KHDRBS2: variants seen among roughly 807,000 people sequenced by gnomAD.
The protein encoded by KHDRBS2 is KH domain-containing, RNA-binding, signal transduction-associated protein 2.
In KHDRBS2, 26 loss-of-function variants were observed where a neutral mutation model predicts 44.3. The observed-to-expected ratio is 0.59, with a 90% CI of 0.43 to 0.81. The LOEUF (loss-of-function observed/expected upper bound fraction) is 0.81, where lower values mean the gene tolerates loss of function less well. Ranked by LOEUF, KHDRBS2 falls within the 40% of genes least tolerant of loss-of-function variation. The pLI is 0.00. For missense variants in KHDRBS2, 476 were observed against 433.1 expected, an observed-to-expected ratio of 1.10 and a Z score of -0.88; for synonymous variants, 194 against 151.1, an observed-to-expected ratio of 1.28 and a Z score of -2.08.
At chr6:61,781,977 A>C (rs1369723117) in intron 6 of KHDRBS2, among the ~76,000 whole-genome samples, 5 of 152,222 alleles carry the variant, frequency 3.3e-5, no homozygotes, top group Non-Finnish European at 7.4e-5. Flanking sequence ...GGAAGGGGAC[A>C]CCTTTGAGGA....
chr6:62,165,242 TTTA>T (rs1318119170), intron 2 of KHDRBS2, among the ~76,000 whole-genome samples: 4 of 149,382 alleles, frequency 2.7e-5, no homozygotes, highest in Admixed American at 1.3e-4. Context: ...TTCTAGTACA[TTTA>T]TTTATTTATT....
At chr6:61,550,204 C>T in the KHDRBS2 span, among the ~76,000 whole-genome samples, 1 of 152,086 alleles carries the variant, frequency 6.6e-6, no homozygotes, top group Non-Finnish European at 1.5e-5. Context: ...CTCCTCCCAC[C>T]CTCCACCGTC....
intron 4 of KHDRBS2, among the ~76,000 whole-genome samples, chr6:61,944,098 A>C (rs1010604208): frequency 6.6e-6 from 1 of 152,186 alleles, no homozygotes; most frequent in African/African-American, 2.4e-5. Context: ...ACTATGGAAA[A>C]CACTGTGGAG....
At chr6:61,782,424 T>G (rs948114528) in intron 6 of KHDRBS2, among the ~76,000 whole-genome samples, 1 of 151,912 alleles carries the variant, frequency 6.6e-6, no homozygotes, top group East Asian at 1.9e-4. Flanking sequence ...CCAGGAACTC[T>G]TAGTTTATTT....
intron 6 of KHDRBS2, among the ~76,000 whole-genome samples, chr6:61,887,630 T>A (rs1801162540): frequency 6.6e-6 from 1 of 152,162 alleles, no homozygotes; most frequent in Admixed American, 6.5e-5. Context: ...TGGTCAGAAA[T>A]TTAATGCTGA....
At chr6:61,715,141 G>C (rs1004684798) in intron 7 of KHDRBS2, among the ~76,000 whole-genome samples, 3 of 151,814 alleles carry the variant, frequency 2.0e-5, no homozygotes, top group African/African-American at 7.3e-5. Flanking sequence ...ACAAGACCTG[G>C]AGGCTGTTTT....
At chr6:62,123,387 G>C (rs1332307637) in intron 2 of KHDRBS2, among the ~76,000 whole-genome samples, 1 of 152,186 alleles carries the variant, frequency 6.6e-6, no homozygotes, top group Non-Finnish European at 1.5e-5. Flanking sequence ...ATCACAGCAT[G>C]ATTTATAAAC....
chr6:61,676,814 C>G (rs2143770), downstream of KHDRBS2, among the ~76,000 whole-genome samples: 29,767 of 151,704 alleles, frequency 0.2, 3,101 homozygotes, highest in African/African-American at 0.24. Context: ...GTGTATAGAA[C>G]CCATATTAAA....
chr6:61,811,911 TA>T (rs1222599578), intron 6 of KHDRBS2, among the ~76,000 whole-genome samples: 3 of 152,104 alleles, frequency 2.0e-5, no homozygotes, highest in Non-Finnish European at 4.4e-5. Context: ...CAGTGTGATT[TA>T]ATCAAAAGTT....
intron 6 of KHDRBS2, among the ~76,000 whole-genome samples, chr6:61,793,752 C>A (rs1784943000): frequency 2.6e-5 from 4 of 151,906 alleles, no homozygotes; most frequent in Admixed American, 2.6e-4. Flanking sequence ...ATGCCACAAA[C>A]CAAATCAAAC....
chr6:62,263,824 C>T (rs1312676569), intron 1 of KHDRBS2, among the ~76,000 whole-genome samples: 1 of 151,694 alleles, frequency 6.6e-6, no homozygotes, highest in Non-Finnish European at 1.5e-5. Context: ...CATAGAGTAA[C>T]ATTTATAATT....
intron 6 of KHDRBS2, among the ~76,000 whole-genome samples, chr6:61,768,462 A>T (rs1268052798): frequency 6.6e-6 from 1 of 151,920 alleles, no homozygotes; most frequent in Non-Finnish European, 1.5e-5. Context: ...TCCCTTTCTC[A>T]ACCTCATTTT....
the KHDRBS2 span, among the ~76,000 whole-genome samples, chr6:61,626,647 T>C: frequency 1.3e-5 from 2 of 152,114 alleles, no homozygotes; most frequent in Non-Finnish European, 2.9e-5. Context: ...GCAAAAAGAG[T>C]TATTTCTATT....
chr6:62,053,444 TTTTA>T (rs1406156801), intron 2 of KHDRBS2, among the ~76,000 whole-genome samples: 1 of 151,984 alleles, frequency 6.6e-6, no homozygotes, highest in African/African-American at 2.4e-5. Flanking sequence ...CATGATTGAG[TTTTA>T]TTTATCATAG....
At chr6:61,848,550 TACATATATATATGTATATATATATAC>T (rs1562294996) in intron 6 of KHDRBS2, among the ~76,000 whole-genome samples, 15 of 52,478 alleles carry the variant, frequency 2.9e-4, no homozygotes, top group East Asian at 7.9e-4. Flanking sequence ...TGTATATATA[TACATATATATATGTATATATATATAC>T]ATATATATAT....
chr6:62,121,929 G>T (rs1177679105), intron 2 of KHDRBS2, among the ~76,000 whole-genome samples: 1 of 152,180 alleles, frequency 6.6e-6, no homozygotes, highest in Non-Finnish European at 1.5e-5. Flanking sequence ...CTAAGGCGAA[G>T]GATAAGTTGC....
chr6:62,121,047 G>C (rs978056285), intron 2 of KHDRBS2, among the ~76,000 whole-genome samples: 2 of 152,142 alleles, frequency 1.3e-5, no homozygotes, highest in Non-Finnish European at 2.9e-5. Flanking sequence ...GGCTTACAGA[G>C]GTCAGGTAAT....
At chr6:62,155,207 T>TCAAAGC (rs1440325978) in intron 2 of KHDRBS2, among the ~76,000 whole-genome samples, 1 of 151,794 alleles carries the variant, frequency 6.6e-6, no homozygotes, top group African/African-American at 2.4e-5. Flanking sequence ...AAATGCAGAG[T>TCAAAGC]CAAAGCAAGA....
chr6:61,821,937 C>G (rs1789982037), intron 6 of KHDRBS2, among the ~76,000 whole-genome samples: 1 of 151,986 alleles, frequency 6.6e-6, no homozygotes, highest in African/African-American at 2.4e-5. Context: ...TTTATGTAGT[C>G]AGAAGACATA....
Sources: allele counts gnomAD v4.1 joint callset (sites outside exome capture counted in the v4.1 genomes callset), GRCh38; gene constraint gnomAD v4.1.1; transcripts MANE v1.5; gene names NCBI Gene and HGNC (gene_info 2026-07-23, HGNC 2026-07-21).